The following UBR3 variants were observed in gnomAD, a reference collection of about 807,000 sequenced individuals.
UBR3 encodes ubiquitin protein ligase E3 component n-recognin 3, also known as E3 ubiquitin-protein ligase UBR3.
A neutral mutation model predicts 243.2 loss-of-function variants in UBR3; 85 were observed. The observed-to-expected ratio is 0.35, with a 90% CI of 0.29 to 0.42. The LOEUF is 0.42. Ranked by LOEUF, UBR3 falls within the 10% of genes least tolerant of loss-of-function variation. The probability of loss-of-function intolerance (pLI) is 1.00; values close to 1 mark genes in which losing one functional copy is unlikely to be tolerated. For missense variants in UBR3, 1,686 were observed against 2,300.8 expected, an observed-to-expected ratio of 0.73 and a Z score of 5.47; for synonymous variants, 748 against 799.8, an observed-to-expected ratio of 0.94 and a Z score of 1.09.
chr2:169,933,622 CAA>C (rs1440007399), intron 19 of UBR3, among the ~76,000 whole-genome samples: 2 of 152,116 alleles, frequency 1.3e-5, no homozygotes, highest in South Asian at 4.1e-4. Flanking sequence ...CCAAATATCA[CAA>C]GATATCATCT....
At chr2:169,830,803 G>A (rs1450193279) in intron 1 of UBR3, among the ~76,000 whole-genome samples, 1 of 151,910 alleles carries the variant, frequency 6.6e-6, no homozygotes, top group African/African-American at 2.4e-5. Context: ...TTCTTGGACT[G>A]GGTTAGCATT....
In UBR3 at chr2:169,827,705, CGCGGCTGCCGGCG is replaced by C; in HGVS notation, c.202_214del (p.Ala68ArgfsTer106). 1 of 1,219,208 alleles carries C rather than the reference CGCGGCTGCCGGCG, an allele frequency of 8.2e-7. No homozygotes were observed. Among genetic ancestry groups the C allele is most frequent in the Non-Finnish European group, 1.0e-6 (1 of 983,218 alleles). The allele number at this position is 1,219,208 out of a possible 1,614,324, so 75.5% of individuals were successfully genotyped here. A position where few individuals can be genotyped will look rare whatever the true frequency, so the allele number is the denominator to read the frequency against. ...TGCTGAGCGCCGAGCGGCCGCTGGC[CGCGGCTGCCGGCG>C]GCGAGGACGCGGCGGCGGCCGGAGG... On this transcript the variant is annotated frameshift_variant, in exon 1 of 39. Transcript: ENST00000272793. LOFTEE classifies it high-confidence loss of function.
intron 29 of UBR3, among the ~76,000 whole-genome samples, chr2:170,010,989 C>T (rs1301398569): frequency 2.0e-5 from 3 of 151,848 alleles, no homozygotes; most frequent in African/African-American, 7.3e-5. Flanking sequence ...ATAGTAAAAC[C>T]CTATCTCTAT....
intron 8 of UBR3, among the ~76,000 whole-genome samples, chr2:169,901,536 T>C (rs2084823328): frequency 1.3e-5 from 2 of 152,324 alleles, no homozygotes; most frequent in South Asian, 4.1e-4. Flanking sequence ...TAGCCACGGA[T>C]ATTACAACAG....
chr2:169,940,250 TG>T (rs1407108607), intron 19 of UBR3, among the ~76,000 whole-genome samples: 2 of 152,210 alleles, frequency 1.3e-5, no homozygotes, highest in Non-Finnish European at 1.5e-5. Context: ...TTTTAACAAA[TG>T]TATGGATTTT....
At chr2:169,946,708 T>C (rs983107909) in intron 21 of UBR3, among the ~76,000 whole-genome samples, 1 of 152,128 alleles carries the variant, frequency 6.6e-6, no homozygotes, top group African/African-American at 2.4e-5. Context: ...GAAAAATGTT[T>C]AATGCATTTT....
intron 26 of UBR3, among the ~76,000 whole-genome samples, chr2:169,998,430 C>T (rs957551852): frequency 2.6e-5 from 4 of 152,178 alleles, no homozygotes; most frequent in Non-Finnish European, 5.9e-5. Context: ...TTTATTCCTA[C>T]ATCATTACTT....
chr2:170,002,789 G>A (rs2089760476), intron 27 of UBR3, among the ~76,000 whole-genome samples: 1 of 152,076 alleles, frequency 6.6e-6, no homozygotes, highest in African/African-American at 2.4e-5. Flanking sequence ...TTCCCTGGAT[G>A]TTACATTTTC....
chr2:170,033,321 T>C (rs1215047392), intron 31 of UBR3, among the ~76,000 whole-genome samples: 1 of 152,046 alleles, frequency 6.6e-6, no homozygotes, highest in Non-Finnish European at 1.5e-5. Context: ...GCTTTGCATA[T>C]ATAATCTCAT....
intron 35 of UBR3, among the ~76,000 whole-genome samples, chr2:170,064,580 C>T (rs1458907886): frequency 6.6e-6 from 1 of 151,822 alleles, no homozygotes; most frequent in East Asian, 1.9e-4. Context: ...TTTGATAAGA[C>T]AGTTTTTCCA....
chr2:169,914,862 GTGTGTGTGTGTT>G (rs1026467460), intron 11 of UBR3, among the ~76,000 whole-genome samples: 6 of 147,778 alleles, frequency 4.1e-5, no homozygotes, highest in African/African-American at 1.6e-4. Flanking sequence ...GTGTGTGTGT[GTGTGTGTGTGTT>G]TTTTTTCCTT....
intron 10 of UBR3, among the ~76,000 whole-genome samples, chr2:169,911,651 T>G (rs2085258821): frequency 6.6e-6 from 1 of 152,100 alleles, no homozygotes; most frequent in South Asian, 2.1e-4. Flanking sequence ...TTAAAGAGTC[T>G]TAGTACCTAC....
rs1255937396 is a variant in UBR3 at position 169,857,064 on chromosome 2, G to GTTTTGTTTTTTGTTTTTTT, written c.546-15168_546-15167insGTTTTTTGTTTTTTTTTTT. Among the ~76,000 whole-genome samples, 3 of 56,094 alleles carry GTTTTGTTTTTTGTTTTTTT rather than the reference G, an allele frequency of 5.3e-5. 1 individual carries two copies. The highest frequency in any genetic ancestry group is 1.4e-4 in the African/African-American group (2 of 14,100). 36.8% of individuals were successfully genotyped at this position (56,094 alleles called of 152,430 possible). On this transcript the variant is annotated intron_variant, in intron 1 of 38. Coordinates refer to ENST00000272793, the MANE Select transcript of UBR3 (RefSeq NM_172070.4). Reference sequence around the variant, plus strand: ...ATGATTTCCAGCATAATTTTATTATGTTTTTTTTTTTTTTTTTTTTTTTTT... The same window carrying GTTTTGTTTTTTGTTTTTTT: ...ATGATTTCCAGCATAATTTTATTATGTTTTGTTTTTTGTTTTTTTTTTTTTTTTTTTTTTTTTTTTTTTT...
intron 1 of UBR3, among the ~76,000 whole-genome samples, chr2:169,852,523 A>G (rs2082689991): frequency 6.6e-6 from 1 of 152,126 alleles, no homozygotes; most frequent in Non-Finnish European, 1.5e-5. Context: ...ATGGCCCTCA[A>G]AGTAGAAAAT....
At chr2:169,859,666 TTC>T (rs2083018432) in intron 1 of UBR3, among the ~76,000 whole-genome samples, 1 of 151,916 alleles carries the variant, frequency 6.6e-6, no homozygotes, top group African/African-American at 2.4e-5. Flanking sequence ...CTACTGTTAA[TTC>T]TCTCTGGTGT....
In UBR3 at chr2:170,081,999, C is replaced by G. The variant is rs559990116; in HGVS notation, c.*156C>G. 3.8e-5 allele frequency: 18 copies of G among 467,672 alleles called. No homozygotes were observed. The Admixed American group carries it at 4.4e-4, about 12-fold the overall frequency. 29.0% of individuals were successfully genotyped at this position (467,672 alleles called of 1,614,324 possible). A position where few individuals can be genotyped will look rare whatever the true frequency, so the allele number is the denominator to read the frequency against. On this transcript the variant is annotated 3_prime_UTR_variant, in exon 39 of 39. Coordinates refer to ENST00000272793, the MANE Select transcript of UBR3 (RefSeq NM_172070.4). ...TTTCCAAAATTAGGTGCTTGGTAATCACGTTAATGGTATAATTTTTTTTTT... is the reference window on the plus strand; with the variant it reads ...TTTCCAAAATTAGGTGCTTGGTAATGACGTTAATGGTATAATTTTTTTTTT...
Position 169,926,969 on chromosome 2 carries a change from T to C in UBR3, c.2336T>C (p.Leu779Ser). Residue 779 changes from leucine (L) to serine (S), a missense_variant and splice_region_variant, in exon 16 of 39, where the codon TTA becomes TCA. By Grantham distance (145) the Leu-to-Ser change is moderately radical (BLOSUM62 -2). Transcript: ENST00000272793. ...LVILLSLRLH[L>S]GMSDDEILRA... ...ATTCTTTTGAGTCTTCGTTTACATT[T>C]AGGTAAAACTCACTGATACTAATAC... 1 of 1,550,398 alleles carries C rather than the reference T, an allele frequency of 6.4e-7. No individual in the cohort carries two copies.
At chr2:169,904,336 AG>A (rs2084936964) in intron 8 of UBR3, among the ~76,000 whole-genome samples, 1 of 152,174 alleles carries the variant, frequency 6.6e-6, no homozygotes, top group Non-Finnish European at 1.5e-5. Context: ...ACAGGGAATG[AG>A]CTATGAGCCT....
At chr2:170,023,653 T>C (rs755663417) in intron 30 of UBR3, among the ~76,000 whole-genome samples, 2 of 152,052 alleles carry the variant, frequency 1.3e-5, no homozygotes, top group Non-Finnish European at 2.9e-5. Context: ...AGTCCAGTGG[T>C]ACGGTCTTAG....
Sources: gnomAD v4.1 joint callset for allele counts (sites outside exome capture counted in the v4.1 genomes callset) on GRCh38, gnomAD v4.1.1 for gene constraint, MANE v1.5 for transcripts, NCBI Gene and HGNC (gene_info 2026-07-23, HGNC 2026-07-21) for gene names.